Variants in KIF18B observed in about 807,000 individuals in gnomAD.
The protein encoded by KIF18B is kinesin family member 18B.
Under a neutral mutation model 80.9 loss-of-function variants are expected in KIF18B, and 49 were observed. The observed-to-expected ratio is 0.61, with a 90% CI of 0.48 to 0.77. The LOEUF (loss-of-function observed/expected upper bound fraction) is 0.77, where lower values mean the gene tolerates loss of function less well. Among genes scored for constraint, KIF18B ranks in the 30% least tolerant of loss-of-function variants. KIF18B has a pLI of 0.00. For missense variants in KIF18B, 994 were observed against 1,127.7 expected, an observed-to-expected ratio of 0.88 and a Z score of 1.70; for synonymous variants, 439 against 463.9, an observed-to-expected ratio of 0.95 and a Z score of 0.69.
In KIF18B at chr17:44,927,950, TCTC is replaced by T. The variant is rs2052062825; in HGVS notation, c.2276+73_2276+75del. The T allele has an allele frequency of 7.7e-7, 1 of 1,290,866 alleles. No individual in the cohort carries two copies. The highest frequency in any genetic ancestry group is 1.5e-5 in the African/African-American group (1 of 66,852). The allele number at this position is 1,290,866 out of a possible 1,614,324, so 80.0% of individuals were successfully genotyped here. On this transcript the variant is annotated intron_variant, in intron 13 of 15. Transcript: ENST00000593135. This position sits in a 1 kb window ranked among gnomAD's most constrained non-coding sequence, Gnocchi z 4.1. ...CAGCTCCAAGGCTGTCCTCCATACT[TCTC>T]AGCAGCACCAAGAAGTCCCTTGCTG...
intron 1 of KIF18B, among the ~76,000 whole-genome samples, chr17:44,942,276 C>T (rs898866893): frequency 1.3e-5 from 2 of 152,222 alleles, no homozygotes; most frequent in African/African-American, 2.4e-5. Context: ...GCCACAGTCA[C>T]GTCCTGTTTC....
At chr17:44,937,749 C>T (rs1366250908) in intron 1 of KIF18B, among the ~76,000 whole-genome samples, 2 of 152,070 alleles carry the variant, frequency 1.3e-5, no homozygotes, top group African/African-American at 4.8e-5. Flanking sequence ...CATTTCTTGT[C>T]TATTGCAGTC....
chr17:44,936,966 C>T (rs2145722096), intron 1 of KIF18B, among the ~76,000 whole-genome samples: 1 of 151,474 alleles, frequency 6.6e-6, no homozygotes, highest in African/African-American at 2.4e-5. Flanking sequence ...TGTTAGAGGC[C>T]TCTTACTGGG....
In KIF18B at chr17:44,932,198, C is replaced by T. The variant is rs768722842; in HGVS notation, c.1247G>A (p.Cys416Tyr). The change falls in exon 10 of 16, where the codon TGC (cysteine) becomes TAC (tyrosine). Residue 416 changes from cysteine (C) to tyrosine (Y), a missense_variant. By Grantham distance (194) the Cys-to-Tyr change is radical. Transcript: ENST00000593135. ...AGGCCCTGCAGGGAGCTCTGGGGTG[C>T]AGGGCTGGCTGGGAGGGTGGGGTGG... ...KSGPPPEHQP[C>Y]TPELPAGPRA... is the part of the protein sequence containing the mutation. 2.5e-6 allele frequency: 4 copies of T among 1,597,462 alleles called. No homozygotes were observed. The African/African-American group carries it at 5.4e-5, about 21-fold the overall frequency.
rs773129249 is a variant in KIF18B at position 44,932,223 on chromosome 17, G to A, written c.1239-17C>T. The A allele has an allele frequency of 9.6e-6, 15 of 1,570,278 alleles. No homozygotes were observed. In the East Asian group the frequency reaches 2.9e-4, roughly 31 times the overall value. On this transcript the variant is annotated splice_polypyrimidine_tract_variant and intron_variant, in intron 9 of 15. Transcript: ENST00000593135. ...CAGGGCTGGCTGGGAGGGTGGGGTG[G>A]CAAGGGGGAGCTGGGAAGGCTAAGC... is the stretch of plus-strand genomic sequence containing the variant.
chr17:44,932,717 T>C lies in KIF18B; in HGVS notation c.1194A>G (p.Pro398=), dbSNP rs1044819080. 6 of 1,612,978 alleles carry C rather than the reference T, an allele frequency of 3.7e-6. No homozygotes were observed. The highest frequency in any genetic ancestry group is 2.2e-5 in the East Asian group (1 of 44,860). The part of the protein sequence containing the change: ...QVYEGGGQPP[P]QDLPGSPKSG... ...ACTTGGGAGATCCTGGGAGGTCCTG[T>C]GGTGGGGGCTGGCCTCCCCCCTCAT... is the stretch of plus-strand genomic sequence containing the variant. Residue 398 remains proline (P), a synonymous_variant, in exon 9 of 16, where the codon CCA becomes CCG. Transcript: ENST00000593135.
intron 7 of KIF18B, 131 bp downstream of exon 7, chr17:44,933,792 C>A: frequency 1.1e-6 from 1 of 893,296 alleles, no homozygotes; most frequent in Non-Finnish European, 1.7e-6. Context: ...CATGTCCAGG[C>A]CAGAGGAACT....
At chr17:44,942,145 G>T (rs553531939) in intron 1 of KIF18B, among the ~76,000 whole-genome samples, 3 of 152,214 alleles carry the variant, frequency 2.0e-5, no homozygotes, top group African/African-American at 7.2e-5. Flanking sequence ...CGCCCCAGGG[G>T]ATGGGGAGAT....
At position 44,936,362 on chromosome 17, in the gene KIF18B, G is replaced by A. The variant is rs1167720913; in HGVS notation, c.-14-4C>T. 9 of 1,585,742 alleles carry A rather than the reference G, an allele frequency of 5.7e-6. 2 individuals carry two copies. In the South Asian group the frequency reaches 1.0e-4, roughly 18 times the overall value. Reference sequence around the variant, plus strand: ...ACTGCCATCACTGTGGTGACACCTGGGTGAGACATGGTGGAGCTGAGGACC... The same window carrying A: ...ACTGCCATCACTGTGGTGACACCTGAGTGAGACATGGTGGAGCTGAGGACC... On this transcript the variant is annotated splice_polypyrimidine_tract_variant and splice_region_variant and intron_variant, in intron 1 of 15. Transcript: ENST00000593135.
intron 2 of KIF18B, 100 bp from the exon 3 acceptor site, chr17:44,935,516 C>G: frequency 7.9e-7 from 1 of 1,273,522 alleles, no homozygotes; most frequent in South Asian, 1.5e-5. Context: ...CCTGTGTTCC[C>G]TGGTCCATTA....
chr17:44,935,557 C>T (rs1013865551), intron 2 of KIF18B, 141 bp from the exon 3 acceptor site: 1 of 881,410 alleles, frequency 1.1e-6, no homozygotes, highest in Non-Finnish European at 1.7e-6. Context: ...CATGTTCCCG[C>T]TGCAGGGCTG....
At chr17:44,936,588 CTCTCTCTCTCTATATATATA>C (rs2052303873) in intron 1 of KIF18B, among the ~76,000 whole-genome samples, 1 of 58,642 alleles carries the variant, frequency 1.7e-5, no homozygotes, top group African/African-American at 6.7e-5. Flanking sequence ...CTCTCTCTCT[CTCTCTCTCTCTATATATATA>C]TATATATATA....
Position 44,947,090 on chromosome 17 carries a change from C to CAG in KIF18B, c.-15+536_-15+537dup, listed in dbSNP as rs10603237. Reference sequence around the variant, plus strand: ...CGCCATTGCACTCCAGCCTGGGAGACAGAGAGAGAGAGACTCCATCTCCAA... The same window carrying CAG: ...CGCCATTGCACTCCAGCCTGGGAGACAGAGAGAGAGAGAGACTCCATCTCCAA... On this transcript the variant is annotated intron_variant, in intron 1 of 15. Transcript: ENST00000593135. Among the ~76,000 whole-genome samples the CAG allele has an allele frequency of 7.8e-5, 9 of 115,754 alleles. No homozygotes were observed. The East Asian group carries it at 1.8e-3, about 23-fold the overall frequency. The allele number at this position is 115,754 out of a possible 152,430, so 75.9% of individuals were successfully genotyped here.
intron 11 of KIF18B, among the ~76,000 whole-genome samples, chr17:44,931,173 C>T (rs558188358): frequency 1.4e-4 from 22 of 152,140 alleles, no homozygotes; most frequent in Non-Finnish European, 2.9e-4. Flanking sequence ...AAAAAATAGC[C>T]GCAATCAATC....
Position 44,934,118 on chromosome 17 carries a change from G to A in KIF18B, c.886-19C>T, listed in dbSNP as rs753645053. 6.2e-7 allele frequency: 1 copy of A among 1,611,058 alleles called. No homozygotes were observed. The highest frequency in any genetic ancestry group is 1.7e-4 in the Middle Eastern group (1 of 6,058). On this transcript the variant is annotated intron_variant, in intron 6 of 15. Transcript: ENST00000593135. The surrounding 1 kb of genome is among the most constrained non-coding windows in gnomAD (Gnocchi z 5.4). ...TGCGGCCCTGGGGGGCAGTAAGCAG[G>A]TGTGGGGTGAGGCGACTGATGGCAC...
chr17:44,938,239 C>T (rs1191398373), intron 1 of KIF18B, among the ~76,000 whole-genome samples: 1 of 152,218 alleles, frequency 6.6e-6, no homozygotes, highest in Non-Finnish European at 1.5e-5. Context: ...TGGTCTCAAA[C>T]TCCTGACCTC....
rs766020514 is a variant in KIF18B, at chr17:44,933,959, G to A, written c.1026C>T (p.Leu342=). 12 of 1,589,652 alleles carry A rather than the reference G, an allele frequency of 7.5e-6. No homozygotes were observed. Among genetic ancestry groups the A allele is most frequent in the Non-Finnish European group, 6.0e-6 (7 of 1,168,398 alleles). The part of the protein sequence containing the change: ...SLTYEDTYNT[L]KYADRAKEIR... ...TCTCCTTGGCCCGGTCGGCATATTT[G>A]AGGGTGTTGTACGTGTCCTCGTAGG... The change falls in exon 7 of 16, where the codon CTC becomes CTT. Residue 342 remains leucine (L), a synonymous_variant. Coordinates refer to ENST00000593135, the MANE Select transcript of KIF18B (RefSeq NM_001265577.2).
At chr17:44,937,040 C>A (rs1208826373) in intron 1 of KIF18B, among the ~76,000 whole-genome samples, 2 of 150,320 alleles carry the variant, frequency 1.3e-5, no homozygotes, top group African/African-American at 2.4e-5. Flanking sequence ...CCTTTCATAA[C>A]CCTCATGTAT....
At position 44,934,831 on chromosome 17, in the gene KIF18B, C is replaced by G. The variant is rs1440052454; in HGVS notation, c.576G>C (p.Gln192His). 6.5e-7 allele frequency: 1 copy of G among 1,544,714 alleles called. No individual in the cohort carries two copies. The highest frequency in any genetic ancestry group is 8.8e-7 in the Non-Finnish European group (1 of 1,141,386). ...ATCCTACCCGAGCCCAATCCCACAC[C>G]TGGTGGAAAGAAAGTCCTTGCACCA... ...GVVVQGLSFH[Q>H]PASAEQLLEI... Residue 192 changes from glutamine (Q) to histidine (H), a missense_variant and splice_region_variant, in exon 4 of 16, where the codon CAG becomes CAC. Transcript: ENST00000593135. This position sits in a 1 kb window ranked among gnomAD's most constrained non-coding sequence, Gnocchi z 5.4.
Sources: gnomAD v4.1 joint callset for allele counts (sites outside exome capture counted in the v4.1 genomes callset) on GRCh38, gnomAD v4.1.1 for gene constraint, Gnocchi (gnomAD v3.1) non-coding constraint, MANE v1.5 for transcripts, NCBI Gene and HGNC (gene_info 2026-07-23, HGNC 2026-07-21) for gene names.